Variants in LIPN observed in about 807,000 individuals in gnomAD.
LIPN encodes the protein lipase member N.
In LIPN, 32 loss-of-function variants were observed where a neutral mutation model predicts 43.7. That is an observed-to-expected ratio of 0.73 (90% CI 0.55 to 0.98). The LOEUF is 0.98. LIPN is among the 50% of genes least tolerant of loss of function. The pLI, the probability that LIPN is intolerant of heterozygous loss-of-function variation, is 0.00. For missense variants in LIPN, 505 were observed against 483.8 expected (o/e 1.04, Z -0.41); for synonymous variants, 156 against 157.6 (o/e 0.99, Z 0.08).
chr10:88,771,985 G>C (rs1378131315), intron 7 of LIPN, among the ~76,000 whole-genome samples: 2 of 151,714 alleles, frequency 1.3e-5, no homozygotes, highest in Non-Finnish European at 2.9e-5. Flanking sequence ...TGTAGTTTTA[G>C]TTCGCATTTC....
intron 1 of LIPN, among the ~76,000 whole-genome samples, 198 bp downstream of exon 1, chr10:88,760,304 G>C (rs1008528315): frequency 6.6e-6 from 1 of 151,886 alleles, no homozygotes; most frequent in Non-Finnish European, 1.5e-5. Flanking sequence ...GATAATAATA[G>C]TACCAAAATT....
chr10:88,766,377 A>G lies in LIPN; in HGVS notation c.534A>G (p.Ile178Met). 6.4e-7 allele frequency: 1 copy of G among 1,565,344 alleles called. No homozygotes were observed. The highest frequency in any genetic ancestry group is 8.8e-7 in the Non-Finnish European group (1 of 1,136,706). The change falls in exon 5 of 10, where the codon ATA becomes ATG. Residue 178 changes from isoleucine (I) to methionine (M), a missense_variant and splice_region_variant. Transcript: ENST00000404459. ...YFIGHSLGTT[I>M]GFVAFSTMPE... ...TTGGACATTCACTTGGCACTACAAT[A>G]GGTATGTTTATGAGGGTCACTGTTA...
Position 88,774,472 on chromosome 10 carries a change from G to A in LIPN, c.820-1G>A, listed in dbSNP as rs747195441. ...TGTAATATGAGTTTTATCTCCTTTA[G>A]AGTCGAATGGATGTGTATATGTCAC... is the stretch of plus-strand genomic sequence containing the variant. On this transcript the variant is annotated splice_acceptor_variant, in intron 7 of 9. Transcript: ENST00000404459. LOFTEE classifies it high-confidence loss of function. 3.1e-6 allele frequency: 5 copies of A among 1,607,692 alleles called. No homozygotes were observed. The highest frequency in any genetic ancestry group is 3.4e-5 in the Admixed American group (2 of 59,512).
Position 88,764,563 on chromosome 10 carries a change from GACACAAA to G in LIPN, c.385_391del (p.Lys129SerfsTer24), listed in dbSNP as rs776875158. On this transcript the variant is annotated frameshift_variant, in exon 4 of 10. Coordinates refer to ENST00000404459, the MANE Select transcript of LIPN (RefSeq NM_001102469.2). LOFTEE classifies it high-confidence loss of function. Reference sequence around the variant, plus strand: ...AGTCGGGGAAACACTTGGTCAAGAAGACACAAAACACTCTCAGAGACAGATGAGAAAT... The same window carrying G: ...AGTCGGGGAAACACTTGGTCAAGAAGACACTCTCAGAGACAGATGAGAAAT... 9 of 1,611,640 alleles carry G rather than the reference GACACAAA, an allele frequency of 5.6e-6. No homozygotes were observed. The highest frequency in any genetic ancestry group is 6.8e-6 in the Non-Finnish European group (8 of 1,178,640).
intron 5 of LIPN, 122 bp from the exon 6 acceptor site, chr10:88,768,670 C>T: frequency 1.4e-6 from 1 of 695,560 alleles, no homozygotes. Context: ...CAGAAGACTT[C>T]CAATTCATCC....
At chr10:88,767,621 G>A (rs1843125055) in intron 5 of LIPN, among the ~76,000 whole-genome samples, 1 of 99,228 alleles carries the variant, frequency 1.0e-5, no homozygotes, top group Non-Finnish European at 1.9e-5. Context: ...GTAGGACTTA[G>A]ATATGCTCTT....
Position 88,766,253 on chromosome 10 carries a change from C to T in LIPN, c.426-16C>T. 8.0e-7 allele frequency: 1 copy of T among 1,244,760 alleles called. No homozygotes were observed. 77.1% of individuals were successfully genotyped at this position (1,244,760 alleles called of 1,614,324 possible). A position where few individuals can be genotyped will look rare whatever the true frequency, so the allele number is the denominator to read the frequency against. On this transcript the variant is annotated splice_polypyrimidine_tract_variant and intron_variant, in intron 4 of 9. Transcript: ENST00000404459. ...AACTTGCAAGTATTTATAAAAGCCC[C>T]TGTTTTATTTTGCAGTTTTGATGAA...
chr10:88,762,178 T>C lies in LIPN; in HGVS notation c.109-10T>C, dbSNP rs973083638. 1.4e-6 allele frequency: 2 copies of C among 1,468,498 alleles called. No homozygotes were observed. Among genetic ancestry groups the C allele is most frequent in the Admixed American group, 1.8e-5 (1 of 56,970 alleles). The allele number at this position is 1,468,498 out of a possible 1,614,324, so 91.0% of individuals were successfully genotyped here. A position where few individuals can be genotyped will look rare whatever the true frequency, so the allele number is the denominator to read the frequency against. Reference sequence around the variant, plus strand: ...GAAGTTCCACTAACGACTGTATTTTTACTGGGCAGAGTGAAATCATCATCT... The same window carrying C: ...GAAGTTCCACTAACGACTGTATTTTCACTGGGCAGAGTGAAATCATCATCT... On this transcript the variant is annotated splice_polypyrimidine_tract_variant and intron_variant, in intron 2 of 9. Coordinates refer to ENST00000404459, the MANE Select transcript of LIPN (RefSeq NM_001102469.2).
At chr10:88,761,312 C>A in intron 1 of LIPN, 86 bp from the exon 2 acceptor site, 1 of 830,074 alleles carries the variant, frequency 1.2e-6, no homozygotes, top group East Asian at 2.7e-5. Flanking sequence ...TTTCATTAAT[C>A]ATTAATAATT....
chr10:88,759,330 A>C (rs1490541055), upstream of LIPN, among the ~76,000 whole-genome samples: 1 of 152,158 alleles, frequency 6.6e-6, no homozygotes, highest in East Asian at 1.9e-4. Flanking sequence ...AAAGAGATTC[A>C]GTTACGGCTT....
chr10:88,771,126 T>G (rs916876536), intron 7 of LIPN, 135 bp downstream of exon 7: 24 of 668,156 alleles, frequency 3.6e-5, no homozygotes, highest in African/African-American at 7.3e-5. Flanking sequence ...TTTTTTGCTT[T>G]TAAAAATGTT....
rs527502148 is a variant in LIPN, at chr10:88,764,404, C to G, written c.227-6C>G. On this transcript the variant is annotated splice_polypyrimidine_tract_variant and splice_region_variant and intron_variant, in intron 3 of 9. Transcript: ENST00000404459. ...CCCTCTCTCATCTTACCCTTTCCCC[C>G]ACCAGGTCCCCGGCCAGTTGTGTAT... The G allele has an allele frequency of 1.2e-4, 196 of 1,605,252 alleles. No homozygotes were observed. The highest frequency in any genetic ancestry group is 1.2e-3 in the Middle Eastern group (7 of 6,006).
In LIPN at chr10:88,768,805, T is replaced by C. The variant is rs1843154935; in HGVS notation, c.549T>C (p.Phe183=). The change falls in exon 6 of 10, where the codon TTT becomes TTC. Residue 183 remains phenylalanine, a synonymous_variant. Transcript: ENST00000404459. ...SLGTTIGFVA[F]STMPELAQRI... ...CTGTTCTCTCAGGGTTTGTAGCCTT[T>C]TCCACCATGCCTGAACTGGCACAAA... 6.2e-7 allele frequency: 1 copy of C among 1,611,304 alleles called. No individual in the cohort carries two copies. The highest frequency in any genetic ancestry group is 8.5e-7 in the Non-Finnish European group (1 of 1,178,324).
intron 2 of LIPN, 43 bp from the exon 3 acceptor site, chr10:88,762,145 C>A: frequency 3.0e-6 from 3 of 999,158 alleles, no homozygotes; most frequent in African/African-American, 1.6e-5. Context: ...CTTTTTATAT[C>A]CTTTGGAGAA....
In LIPN at chr10:88,774,412, T is replaced by C. The variant is rs1223167921; in HGVS notation, c.820-61T>C. The C allele has an allele frequency of 2.7e-6, 3 of 1,107,380 alleles. No homozygotes were observed. The Admixed American group carries it at 5.4e-5, about 20-fold the overall frequency. The allele number at this position is 1,107,380 out of a possible 1,614,324, so 68.6% of individuals were successfully genotyped here. ...GCTAATTCTGTGCATCATTTTTCTC[T>C]GATTCTGAAAGGCAAAATTTTGTTG... On this transcript the variant is annotated intron_variant, in intron 7 of 9. Coordinates refer to ENST00000404459, the MANE Select transcript of LIPN (RefSeq NM_001102469.2).
chr10:88,774,667 G>A (rs1341952404), intron 8 of LIPN, 123 bp downstream of exon 8: 2 of 763,090 alleles, frequency 2.6e-6, no homozygotes. Context: ...GTTTGTCCTT[G>A]CTGCCTTCTG....
At chr10:88,776,769 A>G (rs950953029) in intron 9 of LIPN, among the ~76,000 whole-genome samples, 3 of 152,080 alleles carry the variant, frequency 2.0e-5, no homozygotes, top group African/African-American at 7.2e-5. Context: ...TGTTGCATTA[A>G]TGAAATTTCT....
chr10:88,769,954 T>C (rs1354697185), intron 6 of LIPN, among the ~76,000 whole-genome samples: 5 of 151,928 alleles, frequency 3.3e-5, no homozygotes, highest in Non-Finnish European at 5.9e-5. Flanking sequence ...AACTAATTTG[T>C]TAAATTAAAT....
intron 3 of LIPN, among the ~76,000 whole-genome samples, chr10:88,763,608 A>G (rs1843039473): frequency 6.6e-6 from 1 of 152,064 alleles, no homozygotes; most frequent in African/African-American, 2.4e-5. Context: ...ACAAATAGCA[A>G]GCTGACAGAC....
Sources: gnomAD v4.1 joint callset for allele counts (sites outside exome capture counted in the v4.1 genomes callset) on GRCh38, gnomAD v4.1.1 for gene constraint, MANE v1.5 for transcripts, NCBI Gene and HGNC (gene_info 2026-07-23, HGNC 2026-07-21) for gene names.